Variants in ANO6 observed in about 807,000 individuals in gnomAD.
The protein encoded by ANO6 is anoctamin-6.
A neutral mutation model predicts 117.5 loss-of-function variants in ANO6; 106 were observed. The observed-to-expected ratio is 0.90, with a 90% CI of 0.77 to 1.06. ANO6 has a LOEUF of 1.06. Ranked by LOEUF, ANO6 falls within the 50% of genes least tolerant of loss-of-function variation. ANO6 has a pLI of 0.00. For synonymous variants in ANO6, 367 were observed against 385.1 expected (o/e 0.95, Z 0.55); for missense variants, 955 against 1,121.1 (o/e 0.85, Z 2.12).
At chr12:45,428,712 A>G (rs1014188735) in intron 19 of ANO6, among the ~76,000 whole-genome samples, 2 of 152,244 alleles carry the variant, frequency 1.3e-5, no homozygotes, top group South Asian at 2.1e-4. Flanking sequence ...TGATACACAT[A>G]TACTTGTACA....
intron 3 of ANO6, among the ~76,000 whole-genome samples, chr12:45,342,936 T>A (rs780991969): frequency 2.6e-5 from 4 of 152,022 alleles, no homozygotes; most frequent in Non-Finnish European, 4.4e-5. Context: ...GATGAAAGGA[T>A]AGACTTCTGA....
chr12:45,410,123 A>C (rs1273776461), intron 16 of ANO6, among the ~76,000 whole-genome samples: 2 of 151,672 alleles, frequency 1.3e-5, no homozygotes, highest in Admixed American at 6.6e-5. Context: ...AACTGTAATT[A>C]GATGTGATTC....
At chr12:45,268,946 G>C (rs1166899024) in intron 1 of ANO6, among the ~76,000 whole-genome samples, 1 of 152,248 alleles carries the variant, frequency 6.6e-6, no homozygotes, top group Admixed American at 6.5e-5. Context: ...CAAGGGGCCA[G>C]CTCTCTAATG....
intron 1 of ANO6, chr12:45,228,110 G>GGCT (rs967987523): frequency 4.9e-6 from 2 of 405,060 alleles, no homozygotes; most frequent in Non-Finnish European, 4.8e-6. Flanking sequence ...TATTCTCCTA[G>GGCT]GCTTTTTGTG....
At chr12:45,271,395 A>G (rs1341394539) in intron 1 of ANO6, among the ~76,000 whole-genome samples, 1 of 152,198 alleles carries the variant, frequency 6.6e-6, no homozygotes, top group African/African-American at 2.4e-5. Flanking sequence ...CATTTTAAGG[A>G]CTGATTATTT....
intron 1 of ANO6, among the ~76,000 whole-genome samples, chr12:45,266,786 G>A (rs1234144168): frequency 2.7e-5 from 4 of 148,616 alleles, no homozygotes; most frequent in Non-Finnish European, 5.9e-5. Flanking sequence ...GACAGAACAA[G>A]ACCCTGTCTC....
rs1172379822 is a variant in ANO6, at chr12:45,336,463, A to C, written c.279+5040A>C. Among the ~76,000 whole-genome samples the C allele has an allele frequency of 2.0e-5, 3 of 151,344 alleles. No individual in the cohort carries two copies. In the South Asian group the frequency reaches 6.2e-4, roughly 31 times the overall value. On this transcript the variant is annotated intron_variant, in intron 3 of 19. Transcript: ENST00000320560. ...GTCATAAGTTGCTTAATGATGTTTC[A>C]GTCAACAATGTACCACATATACCAT...
chr12:45,320,540 T>TA (rs1316971412), intron 2 of ANO6, among the ~76,000 whole-genome samples: 2 of 152,222 alleles, frequency 1.3e-5, no homozygotes, highest in African/African-American at 4.8e-5. Context: ...TACTTCCAAC[T>TA]ACGTGGTCAG....
At chr12:45,381,125 A>G (rs17095830) in intron 10 of ANO6, among the ~76,000 whole-genome samples, 12,125 of 152,220 alleles carry the variant, frequency 0.08, 769 homozygotes, top group African/African-American at 0.17. Context: ...AGTGTGTCTC[A>G]TCCTTAGACA....
intron 10 of ANO6, 44 bp downstream of exon 10, chr12:45,378,157 T>C (rs752241365): frequency 6.4e-7 from 1 of 1,559,430 alleles, no homozygotes; most frequent in Non-Finnish European, 8.8e-7. Context: ...TTGATAGTAT[T>C]ACACAGTTTT....
intron 1 of ANO6, among the ~76,000 whole-genome samples, chr12:45,252,889 C>G (rs1937674107): frequency 1.3e-5 from 2 of 152,146 alleles, no homozygotes; most frequent in South Asian, 4.1e-4. Flanking sequence ...ATATTAATCT[C>G]TTTAAGTCAG....
chr12:45,246,704 C>T (rs935349173), intron 1 of ANO6, among the ~76,000 whole-genome samples: 1 of 151,796 alleles, frequency 6.6e-6, no homozygotes, highest in Admixed American at 6.6e-5. Flanking sequence ...TTGGATGTGT[C>T]CCTGCTTCCA....
At chr12:45,266,723 G>A (rs953329501) in intron 1 of ANO6, among the ~76,000 whole-genome samples, 9 of 152,118 alleles carry the variant, frequency 5.9e-5, no homozygotes, top group African/African-American at 2.2e-4. Flanking sequence ...CTTGATCCCA[G>A]GAAGTGGAGG....
intron 1 of ANO6, among the ~76,000 whole-genome samples, chr12:45,240,018 T>G (rs1157040603): frequency 2.0e-5 from 3 of 152,184 alleles, no homozygotes; most frequent in Non-Finnish European, 4.4e-5. Context: ...GGATGGAGAA[T>G]TCTGCAGCTG....
intron 8 of ANO6, among the ~76,000 whole-genome samples, chr12:45,364,178 C>A (rs1280064530): frequency 6.6e-6 from 1 of 152,106 alleles, no homozygotes; most frequent in Non-Finnish European, 1.5e-5. Context: ...TACTGAGGAC[C>A]CTTTATATGT....
In ANO6 at chr12:45,431,974, T is replaced by C; in HGVS notation, c.*2663T>C. ...ATATATCATTAGAAAGGGAAAGCTA[T>C]CATTTTTATTTTAAAACTAAACAAG... On this transcript the variant is annotated 3_prime_UTR_variant, in exon 20 of 20. Transcript: ENST00000320560. 3 of 985,392 alleles carry C rather than the reference T, an allele frequency of 3.0e-6. No individual in the cohort carries two copies. The highest frequency in any genetic ancestry group is 3.6e-6 in the Non-Finnish European group (3 of 829,874). 61.0% of individuals were successfully genotyped at this position (985,392 alleles called of 1,614,324 possible).
chr12:45,228,975 C>T (rs529644116), intron 1 of ANO6, among the ~76,000 whole-genome samples: 1 of 152,110 alleles, frequency 6.6e-6, no homozygotes, highest in Non-Finnish European at 1.5e-5. Context: ...TAATCTATAG[C>T]CACTTGGGTC....
chr12:45,371,752 A>C (rs1268009312), intron 9 of ANO6, among the ~76,000 whole-genome samples: 1 of 152,262 alleles, frequency 6.6e-6, no homozygotes, highest in African/African-American at 2.4e-5. Context: ...AAAACCACAA[A>C]GATGGGGGAA....
intron 4 of ANO6, 118 bp downstream of exon 4, chr12:45,347,205 A>C: frequency 1.1e-6 from 1 of 927,912 alleles, no homozygotes; most frequent in Non-Finnish European, 1.7e-6. Context: ...TTAGTCATAG[A>C]CTGGGAGAGG....
Sources: allele counts gnomAD v4.1 joint callset (sites outside exome capture counted in the v4.1 genomes callset), GRCh38; gene constraint gnomAD v4.1.1; transcripts MANE v1.5; gene names NCBI Gene and HGNC (gene_info 2026-07-23, HGNC 2026-07-21).